MEI1: variants seen among roughly 807,000 people sequenced by gnomAD.
MEI1 encodes the protein meiosis inhibitor protein 1.
Under a neutral mutation model 146.2 loss-of-function variants are expected in MEI1, and 103 were observed. The observed-to-expected ratio is 0.70, with a 90% CI of 0.60 to 0.83. The LOEUF is 0.83. Among genes scored for constraint, MEI1 ranks in the 40% least tolerant of loss-of-function variants. MEI1 has a pLI of 0.00. For missense variants in MEI1, 1,529 were observed against 1,533.0 expected, an observed-to-expected ratio of 1.00 and a Z score of 0.04; for synonymous variants, 652 against 628.2, an observed-to-expected ratio of 1.04 and a Z score of -0.57.
chr22:41,768,858 A>G (rs2413659), intron 19 of MEI1, among the ~76,000 whole-genome samples: 97,087 of 152,042 alleles, frequency 0.64, 34,146 homozygotes, highest in East Asian at 0.92. Context: ...GCGGGGACAC[A>G]AATCCAAATC....
In MEI1 at chr22:41,799,310, T is replaced by C. The variant is rs2076493332; in HGVS notation, c.*11T>C. The C allele has an allele frequency of 6.2e-7, 1 of 1,613,296 alleles. No individual in the cohort carries two copies. ...CACATCAGAAACTGATCCTCAGGAC[T>C]TGAAGGCCCAGAAGTGGAGAGAGAA... On this transcript the variant is annotated 3_prime_UTR_variant, in exon 31 of 31. Coordinates refer to ENST00000401548, the MANE Select transcript of MEI1 (RefSeq NM_152513.4).
At chr22:41,790,856 TG>T (rs1274374450) in intron 26 of MEI1, among the ~76,000 whole-genome samples, 3 of 152,154 alleles carry the variant, frequency 2.0e-5, no homozygotes, top group Admixed American at 2.0e-4. Context: ...CCCGAAGTGC[TG>T]GGATTACAGG....
intron 17 of MEI1, among the ~76,000 whole-genome samples, chr22:41,754,848 A>G (rs2073991293): frequency 6.6e-6 from 1 of 152,236 alleles, no homozygotes; most frequent in Non-Finnish European, 1.5e-5. Flanking sequence ...AAGCAAATGC[A>G]TACTATGTCA....
At chr22:41,729,861 A>G (rs1291531686) in intron 8 of MEI1, 82 bp downstream of exon 8, 5 of 803,970 alleles carry the variant, frequency 6.2e-6, no homozygotes, top group Non-Finnish European at 9.4e-6. Context: ...GACAGACCCT[A>G]TGAACTATGT....
intron 14 of MEI1, among the ~76,000 whole-genome samples, chr22:41,747,066 T>TAATAAA (rs2073353176): frequency 6.6e-6 from 1 of 151,456 alleles, no homozygotes; most frequent in Non-Finnish European, 1.5e-5. Flanking sequence ...ATAATAATAA[T>TAATAAA]AAAACAACCA....
chr22:41,733,325 C>T (rs1291509331), intron 11 of MEI1, among the ~76,000 whole-genome samples: 2 of 151,930 alleles, frequency 1.3e-5, no homozygotes, highest in Non-Finnish European at 2.9e-5. Context: ...TGGTGCACAC[C>T]TATAGTTCCG....
At chr22:41,708,973 C>T (rs1043023402) in intron 3 of MEI1, among the ~76,000 whole-genome samples, 2 of 152,170 alleles carry the variant, frequency 1.3e-5, no homozygotes, top group African/African-American at 4.8e-5. Context: ...TCAGGGAATC[C>T]CTCCTCCTGG....
intron 26 of MEI1, among the ~76,000 whole-genome samples, chr22:41,790,910 A>G (rs2076158180): frequency 6.6e-6 from 1 of 152,142 alleles, no homozygotes; most frequent in Non-Finnish European, 1.5e-5. Flanking sequence ...TTTAGGCAAA[A>G]ATGCCCCGTG....
chr22:41,756,272 C>G (rs1271439479), intron 17 of MEI1, among the ~76,000 whole-genome samples: 1 of 151,822 alleles, frequency 6.6e-6, no homozygotes, highest in African/African-American at 2.4e-5. Flanking sequence ...ATAGCTGGGA[C>G]TACAAGCATA....
chr22:41,784,925 T>TTTTA (rs139543), intron 26 of MEI1, 142 bp downstream of exon 26: 33,053 of 327,096 alleles, frequency 0.1, 3,454 homozygotes, highest in Admixed American at 0.33. Flanking sequence ...ATTATTTTTA[T>TTTTA]TTTATTTATT....
chr22:41,726,737 G>C (rs2071390096), intron 7 of MEI1, among the ~76,000 whole-genome samples: 1 of 100,950 alleles, frequency 9.9e-6, no homozygotes, highest in African/African-American at 2.7e-5. Flanking sequence ...GATACAATAT[G>C]TCATTTCTTT....
intron 11 of MEI1, among the ~76,000 whole-genome samples, chr22:41,735,465 C>T (rs2072275939): frequency 6.6e-6 from 1 of 152,132 alleles, no homozygotes; most frequent in Non-Finnish European, 1.5e-5. Context: ...AACTGCCGAC[C>T]TCAGGTGATC....
chr22:41,776,021 T>C, intron 20 of MEI1, 81 bp from the exon 21 acceptor site: 2 of 1,436,668 alleles, frequency 1.4e-6, no homozygotes, highest in Admixed American at 3.7e-5. Flanking sequence ...ATGGGCCCTT[T>C]TCCTGCCCCT....
intron 3 of MEI1, among the ~76,000 whole-genome samples, chr22:41,712,823 TTTA>T (rs1456120762): frequency 7.5e-5 from 11 of 145,728 alleles, no homozygotes; most frequent in Non-Finnish European, 1.4e-4. Flanking sequence ...TTTTTTTTTT[TTTA>T]GAGATGGAGT....
intron 9 of MEI1, among the ~76,000 whole-genome samples, 163 bp from the exon 10 acceptor site, chr22:41,732,080 CAA>C (rs2071914686): frequency 6.6e-6 from 1 of 152,036 alleles, no homozygotes; most frequent in Non-Finnish European, 1.5e-5. Context: ...GGCCCGGCCT[CAA>C]AGATCTCACA....
intron 3 of MEI1, among the ~76,000 whole-genome samples, chr22:41,707,115 A>C (rs2069155211): frequency 6.6e-6 from 1 of 152,016 alleles, no homozygotes; most frequent in African/African-American, 2.4e-5. Flanking sequence ...AGGCAGGAGA[A>C]TCACTTGAAC....
intron 17 of MEI1, among the ~76,000 whole-genome samples, chr22:41,755,344 T>C (rs980471757): frequency 1.2e-4 from 18 of 152,188 alleles, no homozygotes; most frequent in Non-Finnish European, 1.9e-4. Flanking sequence ...GCTGCTCTCT[T>C]TTATCTTTCC....
chr22:41,703,166 C>A (rs147022509), intron 1 of MEI1, among the ~76,000 whole-genome samples, 165 bp from the exon 2 acceptor site: 3 of 152,276 alleles, frequency 2.0e-5, no homozygotes, highest in East Asian at 3.9e-4. Context: ...GATTCCTCTG[C>A]GTAAATGATA....
chr22:41,717,520 C>T (rs1016201702), intron 5 of MEI1, among the ~76,000 whole-genome samples: 15 of 152,000 alleles, frequency 9.9e-5, no homozygotes, highest in Non-Finnish European at 8.8e-5. Flanking sequence ...TTGGTCTCAA[C>T]CTGCTGGTCT....
Sources: gnomAD v4.1 joint callset for allele counts (sites outside exome capture counted in the v4.1 genomes callset) on GRCh38, gnomAD v4.1.1 for gene constraint, MANE v1.5 for transcripts, NCBI Gene and HGNC (gene_info 2026-07-23, HGNC 2026-07-21) for gene names.